Variants in ZNF148 observed in about 807,000 individuals in gnomAD.
ZNF148 encodes zinc finger protein 148, also known as Beta-Enolase Repressor Factor-1.
Under a neutral mutation model 67.7 loss-of-function variants are expected in ZNF148, and 7 were observed. That is an observed-to-expected ratio of 0.10 (90% CI 0.06 to 0.19). The LOEUF (loss-of-function observed/expected upper bound fraction) is 0.19. Ranked by LOEUF, ZNF148 falls within the 10% of genes least tolerant of loss-of-function variation. The pLI, the probability that ZNF148 is intolerant of heterozygous loss-of-function variation, is 1.00. For missense variants in ZNF148, 583 were observed against 947.1 expected (o/e 0.62, Z 5.05); for synonymous variants, 333 against 330.7 (o/e 1.01, Z -0.08).
At chr3:125,367,080 C>T (rs1942725511) in intron 1 of ZNF148, among the ~76,000 whole-genome samples, 1 of 152,160 alleles carries the variant, frequency 6.6e-6, no homozygotes. Flanking sequence ...GACAGCAAAG[C>T]ATTATATGCT....
At chr3:125,281,551 C>T (rs1055829058) in intron 5 of ZNF148, among the ~76,000 whole-genome samples, 2 of 152,132 alleles carry the variant, frequency 1.3e-5, no homozygotes, top group East Asian at 3.8e-4. Context: ...CAAGGAAAGG[C>T]TTTGTAAAGA....
chr3:125,302,592 T>C (rs1055347669), intron 4 of ZNF148, among the ~76,000 whole-genome samples: 2 of 152,146 alleles, frequency 1.3e-5, no homozygotes, highest in African/African-American at 4.8e-5. Context: ...TTTTCATTGA[T>C]TCATTTTCAG....
chr3:125,342,322 T>G (rs1195348258), intron 1 of ZNF148, among the ~76,000 whole-genome samples: 2 of 150,316 alleles, frequency 1.3e-5, no homozygotes, highest in African/African-American at 4.9e-5. Context: ...ACATCATAAT[T>G]AAACATTCAA....
At chr3:125,322,877 A>G (rs749817402) in intron 3 of ZNF148, among the ~76,000 whole-genome samples, 2 of 152,200 alleles carry the variant, frequency 1.3e-5, no homozygotes, top group African/African-American at 2.4e-5. Context: ...ATAAAAACTG[A>G]TATGTTTTCT....
intron 3 of ZNF148, among the ~76,000 whole-genome samples, chr3:125,317,662 T>TATATATAG (rs752542874): frequency 1.8e-4 from 16 of 90,022 alleles, no homozygotes; most frequent in African/African-American, 5.9e-4. Context: ...TATATATATA[T>TATATATAG]AGAGAGAGAG....
intron 3 of ZNF148, among the ~76,000 whole-genome samples, chr3:125,322,125 G>A (rs565262156): frequency 6.7e-6 from 1 of 148,260 alleles, no homozygotes; most frequent in Admixed American, 6.8e-5. Context: ...TGCCTCCCAG[G>A]TTCCCGCCAT....
At chr3:125,255,078 G>A (rs1159441782) in intron 7 of ZNF148, among the ~76,000 whole-genome samples, 1 of 151,798 alleles carries the variant, frequency 6.6e-6, no homozygotes, top group Non-Finnish European at 1.5e-5. Context: ...GGATCTTGGA[G>A]CATTAATTCC....
intron 1 of ZNF148, among the ~76,000 whole-genome samples, chr3:125,358,348 A>C (rs1942433322): frequency 6.6e-6 from 1 of 152,126 alleles, no homozygotes; most frequent in Non-Finnish European, 1.5e-5. Flanking sequence ...TTCATAAATC[A>C]CTTCCATGAT....
At chr3:125,238,405 A>G (rs958986906) in intron 7 of ZNF148, among the ~76,000 whole-genome samples, 2 of 152,064 alleles carry the variant, frequency 1.3e-5, no homozygotes, top group Non-Finnish European at 2.9e-5. Flanking sequence ...AGGCGGGTGG[A>G]TCACTTGAGG....
At chr3:125,242,018 G>T (rs544193511) in intron 7 of ZNF148, among the ~76,000 whole-genome samples, 3 of 152,160 alleles carry the variant, frequency 2.0e-5, no homozygotes, top group Non-Finnish European at 4.4e-5. Context: ...CTGTCTGCTC[G>T]TATCTTCCAC....
chr3:125,351,660 T>C (rs1008609502), intron 1 of ZNF148, among the ~76,000 whole-genome samples: 1 of 152,150 alleles, frequency 6.6e-6, no homozygotes, highest in Non-Finnish European at 1.5e-5. Flanking sequence ...ATTTACCTGA[T>C]AAGTCTAACA....
At chr3:125,330,501 A>G (rs1240426076) in intron 2 of ZNF148, among the ~76,000 whole-genome samples, 1 of 148,626 alleles carries the variant, frequency 6.7e-6, no homozygotes, top group Non-Finnish European at 1.5e-5. Flanking sequence ...TTCTCAAAAA[A>G]CAAATTTTAA....
rs1935940562 is a variant in ZNF148 at position 125,233,367 on chromosome 3, C to A, written c.1359G>T (p.Gly453=). ...TACTACTATGCACAGGTTTACTGGG[C>A]CCCTCCTGCAAATTATCAACCTGAT... ...DIDQVDNLQE[G]PSKPVHSSTN... Residue 453 remains glycine (G), a synonymous_variant, in exon 9 of 9, where the codon GGG becomes GGT. Transcript: ENST00000360647. The surrounding 1 kb of genome is among the most constrained non-coding windows in gnomAD (Gnocchi z 5.1). 5 of 1,613,826 alleles carry A rather than the reference C, an allele frequency of 3.1e-6. No individual in the cohort carries two copies. The highest frequency in any genetic ancestry group is 4.2e-6 in the Non-Finnish European group (5 of 1,179,924).
chr3:125,360,465 G>A (rs973275100), intron 1 of ZNF148, among the ~76,000 whole-genome samples: 1 of 151,562 alleles, frequency 6.6e-6, no homozygotes, highest in African/African-American at 2.4e-5. Context: ...TTTTATTTTT[G>A]TGTAGAGACA....
In ZNF148 at chr3:125,226,122, A is replaced by G. The variant is rs1935622472; in HGVS notation, c.*6219T>C. The G allele has an allele frequency of 6.6e-6, 1 of 152,638 alleles. No homozygotes were observed. The highest frequency in any genetic ancestry group is 2.4e-5 in the African/African-American group (1 of 41,460). 9.5% of individuals were successfully genotyped at this position (152,638 alleles called of 1,614,324 possible). On this transcript the variant is annotated 3_prime_UTR_variant, in exon 9 of 9. Coordinates refer to ENST00000360647, the MANE Select transcript of ZNF148 (RefSeq NM_021964.3). ...GAACACATATTTTCTTCGCTCTATG[A>G]TAAACACGTTTCAAGTCTAAAATAT...
chr3:125,303,385 G>A (rs1203409587), intron 4 of ZNF148, among the ~76,000 whole-genome samples: 2 of 152,190 alleles, frequency 1.3e-5, no homozygotes, highest in African/African-American at 2.4e-5. Context: ...TTAGGAACCC[G>A]GCTGCACATC....
chr3:125,233,307 C>T lies in ZNF148; in HGVS notation c.1419G>A (p.Lys473=), dbSNP rs539470774. 2.2e-5 allele frequency: 35 copies of T among 1,613,918 alleles called. No individual in the cohort carries two copies. The South Asian group carries it at 3.8e-4, about 18-fold the overall frequency. ...NYDDAMQFLK[K]KRYLQAASNN... ...TACTTGCTGCTTGAAGATACCGCTT[C>T]TTCTTCAAAAACTGCATGGCATCAT... Residue 473 remains lysine (K), a synonymous_variant, in exon 9 of 9, where the codon AAG becomes AAA. Coordinates refer to ENST00000360647, the MANE Select transcript of ZNF148 (RefSeq NM_021964.3). This position sits in a 1 kb window ranked among gnomAD's most constrained non-coding sequence, Gnocchi z 5.1.
intron 7 of ZNF148, among the ~76,000 whole-genome samples, chr3:125,268,756 G>A (rs1487273596): frequency 1.3e-5 from 2 of 152,084 alleles, no homozygotes; most frequent in East Asian, 3.9e-4. Flanking sequence ...AAAGTAAGAG[G>A]ACTGCTTGAG....
intron 7 of ZNF148, among the ~76,000 whole-genome samples, chr3:125,245,637 T>G (rs1283486405): frequency 6.6e-6 from 1 of 152,182 alleles, no homozygotes; most frequent in African/African-American, 2.4e-5. Context: ...TCTCCATATT[T>G]GGACAATTGA....
Sources: allele counts gnomAD v4.1 joint callset (sites outside exome capture counted in the v4.1 genomes callset), GRCh38; gene constraint gnomAD v4.1.1; non-coding constraint Gnocchi (gnomAD v3.1); transcripts MANE v1.5; gene names NCBI Gene and HGNC (gene_info 2026-07-23, HGNC 2026-07-21).